The following SLC24A3 variants were observed in gnomAD, a reference collection of about 807,000 sequenced individuals.
SLC24A3 encodes the protein sodium/potassium/calcium exchanger 3.
A neutral mutation model predicts 75.8 loss-of-function variants in SLC24A3; 28 were observed. The ratio of observed to expected loss-of-function variants is 0.37; its 90% confidence interval spans 0.27 to 0.51. The LOEUF (loss-of-function observed/expected upper bound fraction) is 0.51, where lower values mean the gene tolerates loss of function less well. Ranked by LOEUF, SLC24A3 falls within the 20% of genes least tolerant of loss-of-function variation. The probability of loss-of-function intolerance (pLI) is 0.94; values close to 1 mark genes in which losing one functional copy is unlikely to be tolerated. For synonymous variants in SLC24A3, 372 were observed against 334.1 expected (o/e 1.11, Z -1.24); for missense variants, 663 against 847.8 (o/e 0.78, Z 2.71).
chr20:19,524,274 C>G (rs1419081028), intron 3 of SLC24A3, among the ~76,000 whole-genome samples: 2 of 152,184 alleles, frequency 1.3e-5, no homozygotes, highest in Non-Finnish European at 2.9e-5. Flanking sequence ...ATAGATGTCA[C>G]CTACCATTAT....
chr20:19,458,648 G>T (rs1987619066), intron 2 of SLC24A3, among the ~76,000 whole-genome samples: 1 of 152,064 alleles, frequency 6.6e-6, no homozygotes, highest in Non-Finnish European at 1.5e-5. Context: ...TTTGTGACTG[G>T]CTTTCAGTTT....
intron 3 of SLC24A3, among the ~76,000 whole-genome samples, chr20:19,523,216 C>T (rs917777157): frequency 6.6e-6 from 1 of 152,150 alleles, no homozygotes; most frequent in African/African-American, 2.4e-5. Flanking sequence ...GATAGGAGTG[C>T]ATTTAAACCA....
chr20:19,453,749 C>G (rs1987532756), intron 2 of SLC24A3, among the ~76,000 whole-genome samples: 1 of 152,206 alleles, frequency 6.6e-6, no homozygotes, highest in Non-Finnish European at 1.5e-5. Context: ...CTGCAGCACT[C>G]TAGCATGGTG....
At chr20:19,359,558 G>A (rs148093406) in intron 2 of SLC24A3, among the ~76,000 whole-genome samples, 25 of 152,298 alleles carry the variant, frequency 1.6e-4, no homozygotes, top group Non-Finnish European at 3.4e-4. Context: ...TGGGAAGGAT[G>A]TTGATAGAGA....
intron 12 of SLC24A3, among the ~76,000 whole-genome samples, chr20:19,687,648 T>A (rs1035526377): frequency 6.6e-6 from 1 of 152,198 alleles, no homozygotes; most frequent in South Asian, 2.1e-4. Flanking sequence ...GAGCCCAGAA[T>A]CCCCAAGTGC....
chr20:19,452,576 A>G (rs1987505636), intron 2 of SLC24A3, among the ~76,000 whole-genome samples: 1 of 152,112 alleles, frequency 6.6e-6, no homozygotes, highest in Non-Finnish European at 1.5e-5. Context: ...CCCTTCTATA[A>G]GAGGCCTGTG....
At chr20:19,453,925 C>G (rs1302068208) in intron 2 of SLC24A3, among the ~76,000 whole-genome samples, 1 of 152,234 alleles carries the variant, frequency 6.6e-6, no homozygotes, top group Non-Finnish European at 1.5e-5. Flanking sequence ...AAAATACACG[C>G]AAAGTCTTCA....
chr20:19,515,878 T>G (rs1231953153), intron 3 of SLC24A3, among the ~76,000 whole-genome samples: 1 of 152,226 alleles, frequency 6.6e-6, no homozygotes, highest in Non-Finnish European at 1.5e-5. Context: ...TGGGGAGCCC[T>G]TTCCTAACTG....
Position 19,622,297 on chromosome 20 carries a change from G to A in SLC24A3, c.613-31765G>A, listed in dbSNP as rs893311186. 1.1e-3 allele frequency among the ~76,000 whole-genome samples: 175 copies of A among 152,308 alleles called. 1 individual carries two copies. The highest frequency in any genetic ancestry group is 1.5e-5 in the Non-Finnish European group (1 of 68,036). On this transcript the variant is annotated intron_variant, in intron 6 of 16. Transcript: ENST00000328041. ...AGGCTCACTGGAGGAATGAGCATGG[G>A]GCTGTTAAGGGCTAACCTGTGGAGA...
At chr20:19,297,023 G>A (rs922810768) in intron 2 of SLC24A3, among the ~76,000 whole-genome samples, 32 of 152,216 alleles carry the variant, frequency 2.1e-4, no homozygotes, top group African/African-American at 7.7e-4. Context: ...TGAACATTTG[G>A]AAACATATAG....
At chr20:19,515,890 C>T (rs963673730) in intron 3 of SLC24A3, among the ~76,000 whole-genome samples, 2 of 152,228 alleles carry the variant, frequency 1.3e-5, no homozygotes, top group African/African-American at 2.4e-5. Context: ...TCCTAACTGG[C>T]CTTTCTGAAA....
chr20:19,610,824 G>A (rs1251452203), intron 6 of SLC24A3, among the ~76,000 whole-genome samples: 1 of 152,182 alleles, frequency 6.6e-6, no homozygotes, highest in Non-Finnish European at 1.5e-5. Flanking sequence ...CCCCTTGAGG[G>A]TATCACTCCT....
At chr20:19,415,994 ATC>A (rs1329469945) in intron 2 of SLC24A3, among the ~76,000 whole-genome samples, 3 of 152,204 alleles carry the variant, frequency 2.0e-5, no homozygotes, top group Non-Finnish European at 4.4e-5. Flanking sequence ...TTTGAATTAT[ATC>A]TCTCCTGCTT....
At chr20:19,287,302 C>T (rs947172961) in intron 2 of SLC24A3, among the ~76,000 whole-genome samples, 21 of 152,286 alleles carry the variant, frequency 1.4e-4, no homozygotes, top group African/African-American at 4.6e-4. Flanking sequence ...TTTGGGGTAG[C>T]AGGGTTTTAT....
chr20:19,233,240 G>A (rs1417695718), intron 1 of SLC24A3, among the ~76,000 whole-genome samples: 1 of 152,234 alleles, frequency 6.6e-6, no homozygotes, highest in Non-Finnish European at 1.5e-5. Flanking sequence ...GTACAAGCCA[G>A]CAGCGTTAAC....
At chr20:19,294,543 C>T (rs1038140940) in intron 2 of SLC24A3, among the ~76,000 whole-genome samples, 2 of 152,058 alleles carry the variant, frequency 1.3e-5, no homozygotes, top group African/African-American at 4.8e-5. Flanking sequence ...TTTGGTTTTC[C>T]GTGCTTGCAT....
Position 19,585,335 on chromosome 20 carries a change from C to T in SLC24A3, c.509-106C>T, listed in dbSNP as rs148943044. On this transcript the variant is annotated intron_variant, in intron 5 of 16. Transcript: ENST00000328041. ...AGCTCTCTCCACCCCTCAGCTGTTTCCTGTAGATTCTGAGAACAATCTAAT... is the reference window on the plus strand; with the variant it reads ...AGCTCTCTCCACCCCTCAGCTGTTTTCTGTAGATTCTGAGAACAATCTAAT... 2.2e-4 allele frequency: 238 copies of T among 1,104,660 alleles called. 3 individuals carry two copies. The East Asian group carries it at 5.6e-3, about 26-fold the overall frequency. 68.4% of individuals were successfully genotyped at this position (1,104,660 alleles called of 1,614,324 possible).
chr20:19,463,541 T>C (rs908234466), intron 2 of SLC24A3, among the ~76,000 whole-genome samples: 6 of 152,186 alleles, frequency 3.9e-5, no homozygotes, highest in Admixed American at 6.5e-5. Context: ...ATGCAGAGCA[T>C]GAATTTGAGG....
intron 7 of SLC24A3, among the ~76,000 whole-genome samples, chr20:19,657,679 G>A (rs115657454): frequency 0.015 from 2,261 of 152,292 alleles, 55 homozygotes; most frequent in African/African-American, 0.051. Context: ...TCCATGAGGA[G>A]TAAAACAGAG....
Sources: allele counts gnomAD v4.1 joint callset (sites outside exome capture counted in the v4.1 genomes callset), GRCh38; gene constraint gnomAD v4.1.1; transcripts MANE v1.5; gene names NCBI Gene and HGNC (gene_info 2026-07-23, HGNC 2026-07-21).